The following HTR3D variants were observed in gnomAD, a reference collection of about 807,000 sequenced individuals.
HTR3D encodes 5-hydroxytryptamine (serotonin) receptor 3 family member D.
A neutral mutation model predicts 45.8 loss-of-function variants in HTR3D; 47 were observed. The observed-to-expected ratio is 1.03, with a 90% CI of 0.81 to 1.31. HTR3D has a LOEUF of 1.31. HTR3D is among the 50% of genes most tolerant of loss of function. The pLI, the probability that HTR3D is intolerant of heterozygous loss-of-function variation, is 0.00. For synonymous variants in HTR3D, 203 were observed against 199.8 expected (o/e 1.02, Z -0.13); for missense variants, 448 against 506.9 (o/e 0.88, Z 1.12).
rs1463758299 is a variant in HTR3D, at chr3:184,036,004, A to C, written c.112-11A>C. On this transcript the variant is annotated splice_polypyrimidine_tract_variant and intron_variant, in intron 2 of 7. Coordinates refer to ENST00000428798, the MANE Select transcript of HTR3D (RefSeq NM_001145143.1). ...CACCATGCCCGGCCTTGGCACAATC[A>C]ATTTGTGCAGTGGAACCCAGATGAA... 6.4e-7 allele frequency: 1 copy of C among 1,551,032 alleles called. No homozygotes were observed. The highest frequency in any genetic ancestry group is 8.7e-7 in the Non-Finnish European group (1 of 1,146,780).
chr3:184,038,217 G>A lies in HTR3D; in HGVS notation c.713G>A (p.Ser238Asn). Residue 238 changes from serine to asparagine, a missense_variant, in exon 6 of 8, where the codon AGC becomes AAC. By Grantham distance (46) the Ser-to-Asn change is conservative. Coordinates refer to ENST00000428798, the MANE Select transcript of HTR3D (RefSeq NM_001145143.1). This position sits in a 1 kb window ranked among gnomAD's most constrained non-coding sequence, Gnocchi z 4.5. Reference protein sequence around the residue: ...LMMNDLLPATSTSSHASLVRP... With the variant: ...LMMNDLLPATNTSSHASLVRP... ...ATGAATGACTTGCTCCCAGCCACTA[G>A]CACTTCATCACATGCTTCACTAGTA... 1 of 1,614,194 alleles carries A rather than the reference G, an allele frequency of 6.2e-7. No individual in the cohort carries two copies. Among genetic ancestry groups the A allele is most frequent in the Non-Finnish European group, 8.5e-7 (1 of 1,180,034 alleles).
chr3:184,036,873 C>T lies in HTR3D; in HGVS notation c.493C>T (p.Gln165Ter). 2 of 1,551,500 alleles carry T rather than the reference C, an allele frequency of 1.3e-6. No homozygotes were observed. The highest frequency in any genetic ancestry group is 4.9e-5 in the East Asian group (2 of 40,912). The stretch of plus-strand genomic sequence containing the variant: ...AATAAAGGTGACCGTGGCCACTAAC[C>T]AGTATGAACAAGCCATCTTCCATGT... ...RTIKVTVATNQYEQAIFHVAI... is the reference protein window; with the variant it reads ...RTIKVTVATN The change falls in exon 5 of 8, where the codon CAG becomes TAG. Residue 165 changes from glutamine (Q) to a stop codon, truncating the protein, a stop_gained. Transcript: ENST00000428798. LOFTEE classifies it high-confidence loss of function.
At chr3:184,035,639 C>T (rs1458344342) in intron 2 of HTR3D, among the ~76,000 whole-genome samples, 1 of 152,026 alleles carries the variant, frequency 6.6e-6, no homozygotes, top group Admixed American at 6.6e-5. Context: ...CTAGTTCCTT[C>T]CCCCTGTTTC....
At position 184,035,225 on chromosome 3, in the gene HTR3D, A is replaced by G; in HGVS notation, c.111+3A>G. The G allele has an allele frequency of 6.4e-7, 1 of 1,552,086 alleles. No individual in the cohort carries two copies. The highest frequency in any genetic ancestry group is 8.7e-7 in the Non-Finnish European group (1 of 1,146,942). On this transcript the variant is annotated splice_donor_region_variant and intron_variant, in intron 2 of 7. Transcript: ENST00000428798. ...CATCGTTCCTGTGGCTAAATATGGT[A>G]TGACAGACTCAGTTTCCCCTTTCCT...
chr3:184,039,138 C>A lies in HTR3D; in HGVS notation c.*163C>A. 1.4e-6 allele frequency: 1 copy of A among 740,076 alleles called. No homozygotes were observed. The highest frequency in any genetic ancestry group is 2.2e-6 in the Non-Finnish European group (1 of 463,222). The allele number at this position is 740,076 out of a possible 1,614,324, so 45.8% of individuals were successfully genotyped here. A position where few individuals can be genotyped will look rare whatever the true frequency, so the allele number is the denominator to read the frequency against. On this transcript the variant is annotated 3_prime_UTR_variant, in exon 8 of 8. Transcript: ENST00000428798. ...GACCTGAATAGTCTCCTATGCCCTC[C>A]AAAAGTCGGGTCCTTGCTCCTGCAT...
chr3:184,032,942 A>G (rs776490154), intron 1 of HTR3D: 2 of 1,552,676 alleles, frequency 1.3e-6, no homozygotes, highest in Non-Finnish European at 1.7e-6. Flanking sequence ...TGGCCAGCAC[A>G]GGGTGGACCC....
rs1204449746 is a variant in HTR3D, at chr3:184,038,689, T to G, written c.986-57T>G. 1.9e-6 allele frequency: 3 copies of G among 1,563,144 alleles called. No homozygotes were observed. Among genetic ancestry groups the G allele is most frequent in the Non-Finnish European group, 8.7e-7 (1 of 1,152,780 alleles). ...CTCTGCTCCTGCCTCCTTCCCTGTC[T>G]CCCTCCCTCCACAGGTGACATTTGC... On this transcript the variant is annotated intron_variant, in intron 7 of 7. Coordinates refer to ENST00000428798, the MANE Select transcript of HTR3D (RefSeq NM_001145143.1). This position sits in a 1 kb window ranked among gnomAD's most constrained non-coding sequence, Gnocchi z 4.5.
chr3:184,031,916 T>C (rs1722759620), intron 1 of HTR3D, 109 bp downstream of exon 1: 7 of 758,034 alleles, frequency 9.2e-6, no homozygotes, highest in South Asian at 6.2e-5. Context: ...ATGTTCGTTA[T>C]GGTAAAAATG....
intron 1 of HTR3D, among the ~76,000 whole-genome samples, chr3:184,034,782 G>A (rs112803930): frequency 6.6e-6 from 1 of 151,962 alleles, no homozygotes; most frequent in Non-Finnish European, 1.5e-5. Flanking sequence ...GAGCCGAAAT[G>A]GCGCCACTGC....
intron 5 of HTR3D, 77 bp from the exon 6 acceptor site, chr3:184,037,944 T>A: frequency 6.5e-7 from 1 of 1,549,964 alleles, no homozygotes. Flanking sequence ...CTGGGACAAA[T>A]CCCAGTTCTT....
Position 184,039,284 on chromosome 3 carries a change from T to C in HTR3D, c.*309T>C, listed in dbSNP as rs1450128539. On this transcript the variant is annotated 3_prime_UTR_variant, in exon 8 of 8. Transcript: ENST00000428798. ...TTTGCAGAAAGTATTGGCTTTTCCC[T>C]GAATTCTGTTATGGTAAAAAAAATC... 1 of 258,482 alleles carries C rather than the reference T, an allele frequency of 3.9e-6. No homozygotes were observed. Among genetic ancestry groups the C allele is most frequent in the African/African-American group, 2.2e-5 (1 of 44,968 alleles). 16.0% of individuals were successfully genotyped at this position (258,482 alleles called of 1,614,324 possible). A position where few individuals can be genotyped will look rare whatever the true frequency, so the allele number is the denominator to read the frequency against.
rs112096436 is a variant in HTR3D, at chr3:184,038,624, G to A, written c.985G>A (p.Gly329Ser). The part of the protein sequence containing the change: ...GPGLTPTHLP[G>S]VKEPEVSAGQ... ...GGGTCTCACCCCCACCCACCTGCCC[G>A]GTGAGGGAAGTCATACTTCCTCTTC... The change falls in exon 7 of 8, where the codon GGT becomes AGT. Residue 329 changes from glycine to serine, a missense_variant and splice_region_variant. Gly to Ser is a moderately conservative substitution (Grantham distance 56, BLOSUM62 0). Transcript: ENST00000428798. The surrounding 1 kb of genome is among the most constrained non-coding windows in gnomAD (Gnocchi z 4.5). 7.0e-3 allele frequency: 11,200 copies of A among 1,611,498 alleles called. 124 individuals carry two copies. Among genetic ancestry groups the A allele is most frequent in the Non-Finnish European group, 5.9e-3 (6,941 of 1,178,648 alleles).
At chr3:184,033,641 G>A (rs1244783456) in intron 1 of HTR3D, among the ~76,000 whole-genome samples, 2 of 152,140 alleles carry the variant, frequency 1.3e-5, no homozygotes, top group Admixed American at 6.5e-5. Context: ...CAGAAGCTGG[G>A]CGAGGTGGCT....
chr3:184,034,279 A>G (rs1021188387), intron 1 of HTR3D, among the ~76,000 whole-genome samples: 24 of 152,258 alleles, frequency 1.6e-4, no homozygotes, highest in Non-Finnish European at 2.9e-4. Context: ...CAAATGGAAC[A>G]AAATTCTAAC....
At chr3:184,033,137 TGAGA>T in intron 1 of HTR3D, 1 of 914,682 alleles carries the variant, frequency 1.1e-6, no homozygotes, top group Non-Finnish European at 1.6e-6. Flanking sequence ...TTTTTTTTTT[TGAGA>T]TGGAGTCTTG....
chr3:184,035,957 T>C, intron 2 of HTR3D, 58 bp from the exon 3 acceptor site: 1 of 1,529,946 alleles, frequency 6.5e-7, no homozygotes, highest in Non-Finnish European at 8.8e-7. Context: ...CCTTCCAAAG[T>C]GCTGGGATTA....
chr3:184,035,158 G>C lies in HTR3D; in HGVS notation c.67-20G>C. The C allele has an allele frequency of 1.3e-6, 2 of 1,551,910 alleles. No individual in the cohort carries two copies. Among genetic ancestry groups the C allele is most frequent in the Non-Finnish European group, 1.7e-6 (2 of 1,147,004 alleles). ...CTGCCTTCCTGGAGTTAATCATCTAGATGAAAGCTGCTATTCCAGGATTCA... is the reference window on the plus strand; with the variant it reads ...CTGCCTTCCTGGAGTTAATCATCTACATGAAAGCTGCTATTCCAGGATTCA... On this transcript the variant is annotated intron_variant, in intron 1 of 7. Coordinates refer to ENST00000428798, the MANE Select transcript of HTR3D (RefSeq NM_001145143.1).
Position 184,036,416 on chromosome 3 carries a change from T to C in HTR3D, c.239T>C (p.Ile80Thr). The C allele has an allele frequency of 6.2e-7, 1 of 1,614,148 alleles. No homozygotes were observed. Among genetic ancestry groups the C allele is most frequent in the Non-Finnish European group, 8.5e-7 (1 of 1,180,024 alleles). ...GCAGGTCTCATGGCTAGTATGTCAA[T>C]AGTGAAGGCCACATCAAACACAATA... ...TPAGLMASMS[I>T]VKATSNTISQ... The change falls in exon 4 of 8, where the codon ATA (isoleucine) becomes ACA (threonine). Residue 80 changes from isoleucine (I) to threonine (T), a missense_variant. Ile to Thr is a moderately conservative substitution (Grantham distance 89, BLOSUM62 -1). Transcript: ENST00000428798.
intron 3 of HTR3D, 102 bp from the exon 4 acceptor site, chr3:184,036,273 G>C: frequency 6.6e-7 from 1 of 1,518,132 alleles, no homozygotes; most frequent in Non-Finnish European, 8.9e-7. Flanking sequence ...TCTGAGTGGG[G>C]CTGGAGCTCG....
Sources: allele counts gnomAD v4.1 joint callset (sites outside exome capture counted in the v4.1 genomes callset), GRCh38; gene constraint gnomAD v4.1.1; non-coding constraint Gnocchi (gnomAD v3.1); transcripts MANE v1.5; gene names NCBI Gene and HGNC (gene_info 2026-07-23, HGNC 2026-07-21).